Variants in MYH11 observed in about 807,000 individuals in gnomAD.
The protein encoded by MYH11 is myosin heavy chain 11, also known as myosin-11.
A neutral mutation model predicts 246.6 loss-of-function variants in MYH11; 80 were observed. That is an observed-to-expected ratio of 0.32 (90% CI 0.27 to 0.39). The LOEUF is 0.39. Ranked by LOEUF, MYH11 falls within the 10% of genes least tolerant of loss-of-function variation. The pLI, the probability that MYH11 is intolerant of heterozygous loss-of-function variation, is 1.00. For synonymous variants in MYH11, 1,071 were observed against 1,015.5 expected (o/e 1.05, Z -1.04); for missense variants, 2,158 against 2,546.8 (o/e 0.85, Z 3.29).
chr16:15,839,753 AG>A (rs1193387955), intron 1 of MYH11, among the ~76,000 whole-genome samples: 1 of 151,900 alleles, frequency 6.6e-6, no homozygotes, highest in Non-Finnish European at 1.5e-5. Flanking sequence ...CAGGCAATCA[AG>A]AGTTGCCAGA....
intron 1 of MYH11, among the ~76,000 whole-genome samples, chr16:15,848,231 T>A (rs1450269052): frequency 1.9e-4 from 2 of 10,756 alleles, no homozygotes; most frequent in Non-Finnish European, 2.4e-3. Flanking sequence ...GCTAAGTCTT[T>A]TTTTTTTTTT....
At chr16:15,806,553 C>A (rs1216268760) in intron 3 of MYH11, among the ~76,000 whole-genome samples, 5 of 152,106 alleles carry the variant, frequency 3.3e-5, no homozygotes, top group Admixed American at 1.3e-4. Flanking sequence ...GACAGTTATG[C>A]AGACATAGCT....
intron 4 of MYH11, among the ~76,000 whole-genome samples, chr16:15,796,497 T>G (rs898131674): frequency 2.0e-5 from 3 of 152,182 alleles, no homozygotes; most frequent in Non-Finnish European, 4.4e-5. Flanking sequence ...CTTAATTCAT[T>G]CACTCAACAG....
intron 15 of MYH11, among the ~76,000 whole-genome samples, chr16:15,752,351 A>T (rs1436709282): frequency 6.6e-6 from 1 of 151,876 alleles, no homozygotes; most frequent in East Asian, 1.9e-4. Flanking sequence ...CCAAGAATAA[A>T]ACCTGCTGTG....
rs10573476 is a variant in MYH11, at chr16:15,838,856, C to CAA, written c.-17-589_-17-588dup. On this transcript the variant is annotated intron_variant, in intron 1 of 40. Coordinates refer to ENST00000300036, the MANE Select transcript of MYH11 (RefSeq NM_002474.3). ...TGGGTGACAGAGCCAGACTCCATCT[C>CAA]AAAAAAAAAAAAAAAAAAAGAAGAA... Among the ~76,000 whole-genome samples, 106 of 88,798 alleles carry CAA rather than the reference C, an allele frequency of 1.2e-3. No individual in the cohort carries two copies. In the East Asian group the frequency reaches 0.018, roughly 15 times the overall value. 58.3% of individuals were successfully genotyped at this position (88,798 alleles called of 152,430 possible).
intron 2 of MYH11, among the ~76,000 whole-genome samples, chr16:15,833,742 T>C (rs1374285817): frequency 2.0e-5 from 3 of 152,166 alleles, no homozygotes; most frequent in Admixed American, 6.5e-5. Context: ...GGCAAAGTCA[T>C]GCATGCCAGA....
chr16:15,826,335 C>A (rs941315581), intron 2 of MYH11, among the ~76,000 whole-genome samples: 1 of 152,038 alleles, frequency 6.6e-6, no homozygotes, highest in African/African-American at 2.4e-5. Flanking sequence ...CAACTGTAAT[C>A]CCAGCACTTT....
At chr16:15,759,487 A>G (rs2041816412) in intron 12 of MYH11, 89 bp downstream of exon 12, 26 of 1,561,888 alleles carry the variant, frequency 1.7e-5, no homozygotes, top group Non-Finnish European at 2.3e-5. Flanking sequence ...AGCCATCTAC[A>G]TGCCTTTCTC....
intron 2 of MYH11, among the ~76,000 whole-genome samples, chr16:15,830,508 C>T (rs557551619): frequency 4.6e-5 from 7 of 152,196 alleles, no homozygotes; most frequent in South Asian, 4.2e-4. Flanking sequence ...AAGATTGAGA[C>T]GCACAACAGC....
chr16:15,714,550 C>A, intron 40 of MYH11: 1 of 406,782 alleles, frequency 2.5e-6, no homozygotes, highest in South Asian at 2.6e-5. Context: ...GGTGAAGTGG[C>A]GGGGGGTGGT....
At chr16:15,744,222 G>A (rs146313470) in intron 20 of MYH11, among the ~76,000 whole-genome samples, 3,575 of 151,778 alleles carry the variant, frequency 0.024, 70 homozygotes, top group South Asian at 0.072. Flanking sequence ...ACGGAGTCTC[G>A]CTCTGTCACC....
chr16:15,730,369 T>TAA (rs746923275), intron 27 of MYH11, among the ~76,000 whole-genome samples: 25 of 97,218 alleles, frequency 2.6e-4, no homozygotes, highest in Non-Finnish European at 4.1e-4. Context: ...CCATCTCTAC[T>TAA]AAAAAAAAAA....
intron 11 of MYH11, 83 bp downstream of exon 11, chr16:15,760,457 A>C: frequency 9.3e-7 from 1 of 1,071,260 alleles, no homozygotes; most frequent in East Asian, 2.4e-5. Context: ...TAATGAATAC[A>C]TGAATGAGTG....
chr16:15,764,719 G>A lies in MYH11; in HGVS notation c.1034-828C>T, dbSNP rs570950630. On this transcript the variant is annotated intron_variant, in intron 9 of 40. Transcript: ENST00000300036. ...ATTGTCTTATTTAAAATGGATTCTA[G>A]TTACACAGACGTGTTCAGTTTATAA... is the stretch of plus-strand genomic sequence containing the variant. Among the ~76,000 whole-genome samples, 7 of 152,246 alleles carry A rather than the reference G, an allele frequency of 4.6e-5. No individual in the cohort carries two copies. In the East Asian group the frequency reaches 1.4e-3, roughly 29 times the overall value.
At chr16:15,791,849 T>G (rs1421651732) in intron 4 of MYH11, 1 of 151,870 alleles carries the variant, frequency 6.6e-6, no homozygotes, top group African/African-American at 2.4e-5. Flanking sequence ...GATTTTTAAA[T>G]TTTCTGTAGA....
intron 2 of MYH11, among the ~76,000 whole-genome samples, chr16:15,823,739 C>T (rs1226883979): frequency 5.9e-5 from 9 of 152,134 alleles, no homozygotes; most frequent in Admixed American, 4.6e-4. Flanking sequence ...GATCCTCCTA[C>T]CTCAGCCTCC....
At chr16:15,759,245 G>A (rs932824589) in intron 12 of MYH11, among the ~76,000 whole-genome samples, 1 of 148,496 alleles carries the variant, frequency 6.7e-6, no homozygotes, top group African/African-American at 2.5e-5. Context: ...GCAGTCTGGA[G>A]CTGTGGCAGC....
intron 15 of MYH11, among the ~76,000 whole-genome samples, chr16:15,751,609 C>CTTTTTT (rs34772774): frequency 8.6e-6 from 1 of 116,338 alleles, no homozygotes; most frequent in Non-Finnish European, 1.7e-5. Flanking sequence ...GTGTAACAAT[C>CTTTTTT]TTTTTTTTTT....
At chr16:15,780,771 C>T (rs1313872206) in intron 6 of MYH11, among the ~76,000 whole-genome samples, 1 of 152,070 alleles carries the variant, frequency 6.6e-6, no homozygotes, top group African/African-American at 2.4e-5. Flanking sequence ...GTGTGAGCCA[C>T]TCTGTGCCTG....
Sources: gnomAD v4.1 joint callset for allele counts (sites outside exome capture counted in the v4.1 genomes callset) on GRCh38, gnomAD v4.1.1 for gene constraint, MANE v1.5 for transcripts, NCBI Gene and HGNC (gene_info 2026-07-23, HGNC 2026-07-21) for gene names.